Variants in DNAJC13 observed in about 807,000 individuals in gnomAD.
DNAJC13 encodes the protein dnaJ homolog subfamily C member 13.
In DNAJC13, 75 loss-of-function variants were observed where a neutral mutation model predicts 290.5. That is an observed-to-expected ratio of 0.26 (90% CI 0.21 to 0.31). The LOEUF (loss-of-function observed/expected upper bound fraction) is 0.31, where lower values mean the gene tolerates loss of function less well. Among genes scored for constraint, DNAJC13 ranks in the 10% least tolerant of loss-of-function variants. The pLI, the probability that DNAJC13 is intolerant of heterozygous loss-of-function variation, is 1.00. For missense variants in DNAJC13, 2,260 were observed against 2,674.5 expected, an observed-to-expected ratio of 0.85 and a Z score of 3.42; for synonymous variants, 862 against 892.0, an observed-to-expected ratio of 0.97 and a Z score of 0.60.
intron 54 of DNAJC13, among the ~76,000 whole-genome samples, 191 bp downstream of exon 54, chr3:132,528,523 A>G (rs1265285778): frequency 6.6e-6 from 1 of 152,200 alleles, no homozygotes; most frequent in Non-Finnish European, 1.5e-5. Context: ...CCATATACTC[A>G]ATATTCAGGA....
chr3:132,467,161 A>T lies in DNAJC13; in HGVS notation c.2065-9A>T, dbSNP rs762211870. The T allele has an allele frequency of 1.2e-6, 2 of 1,608,024 alleles. No individual in the cohort carries two copies. Among genetic ancestry groups the T allele is most frequent in the South Asian group, 2.2e-5 (2 of 89,610 alleles). On this transcript the variant is annotated splice_polypyrimidine_tract_variant and intron_variant, in intron 19 of 55. Coordinates refer to ENST00000260818, the MANE Select transcript of DNAJC13 (RefSeq NM_015268.4). ...CAGGCATGTAATGGATTCCAACATT[A>T]TTTTACAGGATCAGTATGGAAAATT...
chr3:132,438,925 G>A (rs1373773158), intron 2 of DNAJC13, among the ~76,000 whole-genome samples: 3 of 152,196 alleles, frequency 2.0e-5, no homozygotes, highest in Non-Finnish European at 4.4e-5. Context: ...TTTCATGAAG[G>A]AGAAAAATTT....
chr3:132,481,867 C>T (rs187431962), intron 26 of DNAJC13, among the ~76,000 whole-genome samples: 5 of 152,108 alleles, frequency 3.3e-5, no homozygotes, highest in African/African-American at 7.2e-5. Context: ...ATTAATGATA[C>T]GTATCTATTT....
At chr3:132,521,376 A>G (rs1936085530) in intron 48 of DNAJC13, among the ~76,000 whole-genome samples, 1 of 152,224 alleles carries the variant, frequency 6.6e-6, no homozygotes, top group African/African-American at 2.4e-5. Flanking sequence ...TGTCCAAAAA[A>G]ACAATAAGCA....
At chr3:132,478,967 A>G (rs544932853) in intron 24 of DNAJC13, among the ~76,000 whole-genome samples, 1 of 152,304 alleles carries the variant, frequency 6.6e-6, no homozygotes, top group African/African-American at 2.4e-5. Context: ...ATTTTTACTT[A>G]TCTCCTTAAA....
rs560836935 is a variant in DNAJC13, at chr3:132,479,971, G to C, written c.2773-398G>C. 1.4e-4 allele frequency among the ~76,000 whole-genome samples: 21 copies of C among 152,104 alleles called. No individual in the cohort carries two copies. In the South Asian group the frequency reaches 3.7e-3, roughly 27 times the overall value. On this transcript the variant is annotated intron_variant, in intron 25 of 55. Transcript: ENST00000260818. ...TCTCTTAACTTCTAAGAAATTACCA[G>C]TTAAGTTTATGAAAACAAACTGGAA...
At chr3:132,470,555 A>AG (rs1934170489) in intron 20 of DNAJC13, among the ~76,000 whole-genome samples, 2 of 135,838 alleles carry the variant, frequency 1.5e-5, no homozygotes. Context: ...ACTTCCCAGT[A>AG]GGGGCGGCCG....
At chr3:132,514,834 G>C in intron 46 of DNAJC13, 164 bp downstream of exon 46, 1 of 565,152 alleles carries the variant, frequency 1.8e-6, no homozygotes, top group South Asian at 2.2e-5. Context: ...ATACGTTACT[G>C]TCTTGCATTT....
intron 53 of DNAJC13, 103 bp from the exon 54 acceptor site, chr3:132,528,086 G>A: frequency 2.4e-6 from 3 of 1,268,206 alleles, no homozygotes; most frequent in Non-Finnish European, 2.2e-6. Flanking sequence ...AAAATACGGT[G>A]CAACAGGCTG....
chr3:132,420,173 ACT>A (rs1938914180), intron 1 of DNAJC13, among the ~76,000 whole-genome samples: 2 of 152,212 alleles, frequency 1.3e-5, no homozygotes, highest in African/African-American at 4.8e-5. Context: ...AATCTTGCAA[ACT>A]CTTATCCACA....
intron 43 of DNAJC13, among the ~76,000 whole-genome samples, chr3:132,510,531 G>A (rs1244786290): frequency 2.0e-5 from 3 of 152,074 alleles, no homozygotes; most frequent in Non-Finnish European, 4.4e-5. Context: ...CTTGTAGGAG[G>A]TGGCAAAGAG....
chr3:132,418,022 T>A (rs1001358581), intron 1 of DNAJC13, among the ~76,000 whole-genome samples: 13 of 152,056 alleles, frequency 8.5e-5, no homozygotes, highest in Non-Finnish European at 1.9e-4. Flanking sequence ...TTATACCTAG[T>A]ACGCTCCTCC....
At chr3:132,467,091 T>A in intron 19 of DNAJC13, 79 bp from the exon 20 acceptor site, 1 of 1,456,724 alleles carries the variant, frequency 6.9e-7, no homozygotes, top group East Asian at 2.4e-5. Flanking sequence ...ATAAAATAGA[T>A]AGAATGACTC....
At chr3:132,488,890 T>C (rs1934970647) in intron 30 of DNAJC13, 86 bp from the exon 31 acceptor site, 1 of 952,962 alleles carries the variant, frequency 1.0e-6, no homozygotes, top group African/African-American at 1.7e-5. Flanking sequence ...TTTATTTAGC[T>C]ATAAAAGATC....
At chr3:132,470,886 G>T (rs1934209002) in intron 20 of DNAJC13, among the ~76,000 whole-genome samples, 1 of 135,848 alleles carries the variant, frequency 7.4e-6, no homozygotes, top group Admixed American at 7.0e-5. Flanking sequence ...CGGCCGGGCG[G>T]GGGGCTGACC....
At chr3:132,473,602 G>A (rs1934360395) in intron 21 of DNAJC13, among the ~76,000 whole-genome samples, 1 of 151,950 alleles carries the variant, frequency 6.6e-6, no homozygotes, top group Admixed American at 6.6e-5. Flanking sequence ...CTGATAGGAG[G>A]ACCTTCCCTC....
At chr3:132,454,944 A>G (rs1933546928) in intron 9 of DNAJC13, among the ~76,000 whole-genome samples, 1 of 152,192 alleles carries the variant, frequency 6.6e-6, no homozygotes, top group South Asian at 2.1e-4. Flanking sequence ...GCAGAAAGTA[A>G]AGCAACTTCT....
At position 132,495,078 on chromosome 3, in the gene DNAJC13, T is replaced by C. The variant is rs1271556693; in HGVS notation, c.3942-10T>C. 3.1e-6 allele frequency: 5 copies of C among 1,609,416 alleles called. No individual in the cohort carries two copies. Among genetic ancestry groups the C allele is most frequent in the Non-Finnish European group, 4.2e-6 (5 of 1,176,728 alleles). On this transcript the variant is annotated splice_polypyrimidine_tract_variant and intron_variant, in intron 34 of 55. Transcript: ENST00000260818. The stretch of plus-strand genomic sequence containing the variant: ...TACTATACTCATAAAACAATTTTCC[T>C]GTTTAACAGGCATGATGAGAGCAAG...
intron 2 of DNAJC13, among the ~76,000 whole-genome samples, chr3:132,437,257 C>T (rs1452046740): frequency 6.6e-6 from 1 of 152,078 alleles, no homozygotes; most frequent in Admixed American, 6.6e-5. Flanking sequence ...AATAAAAGTT[C>T]CGTGTATATG....
Sources: allele counts gnomAD v4.1 joint callset (sites outside exome capture counted in the v4.1 genomes callset), GRCh38; gene constraint gnomAD v4.1.1; transcripts MANE v1.5; gene names NCBI Gene and HGNC (gene_info 2026-07-23, HGNC 2026-07-21).